The following AHRR variants were observed in gnomAD, a reference collection of about 807,000 sequenced individuals.
AHRR encodes the protein aryl hydrocarbon receptor repressor, also known as ahR repressor.
Under a neutral mutation model 44.0 loss-of-function variants are expected in AHRR, and 28 were observed. That is an observed-to-expected ratio of 0.64 (90% CI 0.47 to 0.87). AHRR has a LOEUF of 0.87. AHRR is among the 40% of genes least tolerant of loss of function. The pLI, the probability that AHRR is intolerant of heterozygous loss-of-function variation, is 0.00. For synonymous variants in AHRR, 434 were observed against 407.0 expected, an observed-to-expected ratio of 1.07 and a Z score of -0.80; for missense variants, 990 against 953.9, an observed-to-expected ratio of 1.04 and a Z score of -0.50.
intron 4 of AHRR, among the ~76,000 whole-genome samples, chr5:382,343 T>C (rs1734019349): frequency 6.6e-6 from 1 of 152,362 alleles, no homozygotes; most frequent in South Asian, 2.1e-4. Context: ...TTCAATTTCC[T>C]TGGACTGTTG....
At position 434,609 on chromosome 5, in the gene AHRR, C is replaced by T. The variant is rs539730239; in HGVS notation, c.1869C>T (p.Asp623=). 88 of 1,564,296 alleles carry T rather than the reference C, an allele frequency of 5.6e-5. No homozygotes were observed. The highest frequency in any genetic ancestry group is 7.1e-5 in the East Asian group (3 of 41,968). ...ACTGTGCCTGCCTGGAGCCCACAGA[C>T]GGCCTTCCCCAGTCGGAGCCTCCCC... ...PAHCACLEPT[D]GLPQSEPPHQ... Residue 623 remains aspartate (D), a synonymous_variant, in exon 11 of 11, where the codon GAC becomes GAT. Coordinates refer to ENST00000684583, the MANE Select transcript of AHRR (RefSeq NM_001377236.1).
intron 1 of AHRR, among the ~76,000 whole-genome samples, chr5:334,014 T>C (rs1022752347): frequency 6.6e-6 from 1 of 152,210 alleles, no homozygotes; most frequent in Non-Finnish European, 1.5e-5. Flanking sequence ...GCCGAAAGTT[T>C]TTTTCTTGCA....
intron 3 of AHRR, among the ~76,000 whole-genome samples, chr5:374,187 T>G (rs977138028): frequency 2.6e-5 from 4 of 151,792 alleles, no homozygotes; most frequent in African/African-American, 9.7e-5. Flanking sequence ...CCCGCGGACC[T>G]CGGCGGGGAG....
Position 432,583 on chromosome 5 carries a change from T to C in AHRR, c.970+59T>C, listed in dbSNP as rs1239735068. 4.4e-5 allele frequency: 70 copies of C among 1,583,746 alleles called. No homozygotes were observed. In the South Asian group the frequency reaches 7.5e-4, roughly 17 times the overall value. ...CATGGGTAAAATGTGTTTCTGCCCT[T>C]GGAGAGCTTCCCCGCCCAGTGGAGA... On this transcript the variant is annotated intron_variant, in intron 9 of 10. Transcript: ENST00000684583.
intron 1 of AHRR, among the ~76,000 whole-genome samples, chr5:335,060 C>T (rs2088526921): frequency 6.6e-6 from 1 of 151,992 alleles, no homozygotes; most frequent in African/African-American, 2.4e-5. Context: ...TGGGTGGGCC[C>T]ATCTTCAGGC....
chr5:420,798 CAGCCA>C (rs1736050299), intron 5 of AHRR: 1 of 89,998 alleles, frequency 1.1e-5, no homozygotes, highest in African/African-American at 1.1e-4. Flanking sequence ...TGCACGCACG[CAGCCA>C]CGCAGCCACC....
intron 4 of AHRR, among the ~76,000 whole-genome samples, chr5:410,412 A>G (rs1453314718): frequency 6.6e-6 from 1 of 152,044 alleles, no homozygotes; most frequent in Non-Finnish European, 1.5e-5. Flanking sequence ...GGGTCTCACT[A>G]TGCTGCCCAG....
intron 1 of AHRR, among the ~76,000 whole-genome samples, chr5:325,693 C>G (rs1412284031): frequency 6.6e-6 from 1 of 151,208 alleles, no homozygotes; most frequent in Admixed American, 6.6e-5. Flanking sequence ...CATTTGCTTT[C>G]TTTCTTAACA....
intron 3 of AHRR, among the ~76,000 whole-genome samples, chr5:375,714 C>T (rs1000786839): frequency 9.2e-5 from 14 of 152,224 alleles, no homozygotes; most frequent in African/African-American, 3.4e-4. Flanking sequence ...GGTCCACGCA[C>T]TGGGGCCAGC....
chr5:385,722 TA>T (rs1734150299), intron 4 of AHRR, among the ~76,000 whole-genome samples: 1 of 152,236 alleles, frequency 6.6e-6, no homozygotes, highest in Non-Finnish European at 1.5e-5. Context: ...GCTTAGATAT[TA>T]GAGATTTTCC....
intron 7 of AHRR, among the ~76,000 whole-genome samples, chr5:426,602 G>T (rs1736405203): frequency 1.3e-5 from 2 of 148,320 alleles, no homozygotes; most frequent in Non-Finnish European, 3.0e-5. Context: ...TGGACAAATG[G>T]AAAGATGGAT....
At chr5:394,849 C>T (rs1734626871) in intron 4 of AHRR, among the ~76,000 whole-genome samples, 3 of 152,156 alleles carry the variant, frequency 2.0e-5, no homozygotes, top group Admixed American at 6.5e-5. Context: ...AAGGGAGCAC[C>T]GTGGGAGGGA....
At chr5:373,458 C>A (rs1743647863) in intron 3 of AHRR, among the ~76,000 whole-genome samples, 1 of 152,232 alleles carries the variant, frequency 6.6e-6, no homozygotes, top group African/African-American at 2.4e-5. Flanking sequence ...GCCTGTGGCC[C>A]CCTCCTGCTG....
At chr5:386,750 C>T (rs1465046101) in intron 4 of AHRR, among the ~76,000 whole-genome samples, 2 of 152,236 alleles carry the variant, frequency 1.3e-5, no homozygotes, top group Non-Finnish European at 2.9e-5. Context: ...TAACAGGGAG[C>T]TAACCCAGAC....
At chr5:336,884 GT>G (rs976925567) in intron 1 of AHRR, among the ~76,000 whole-genome samples, 3 of 150,732 alleles carry the variant, frequency 2.0e-5, no homozygotes, top group East Asian at 1.9e-4. Context: ...GTGTGGCTTT[GT>G]TTTTTTTTCC....
chr5:361,855 A>G (rs1236240869), intron 3 of AHRR, among the ~76,000 whole-genome samples: 1 of 152,146 alleles, frequency 6.6e-6, no homozygotes, highest in Non-Finnish European at 1.5e-5. Context: ...TCTGATTTAG[A>G]TGGTAGTTAA....
intron 4 of AHRR, among the ~76,000 whole-genome samples, chr5:400,942 A>T (rs1734990489): frequency 6.6e-6 from 1 of 152,046 alleles, no homozygotes; most frequent in African/African-American, 2.4e-5. Context: ...GCGGGCACAG[A>T]CCTCTCCCAG....
chr5:408,329 C>T (rs1370509130), intron 4 of AHRR, among the ~76,000 whole-genome samples: 1 of 151,990 alleles, frequency 6.6e-6, no homozygotes, highest in Non-Finnish European at 1.5e-5. Context: ...GAGGTGCACA[C>T]ACATACATGT....
At position 422,768 on chromosome 5, in the gene AHRR, G is replaced by T; in HGVS notation, c.481G>T (p.Val161Leu). The change falls in exon 6 of 11, where the codon GTG becomes TTG. Residue 161 changes from valine to leucine, a missense_variant. Coordinates refer to ENST00000684583, the MANE Select transcript of AHRR (RefSeq NM_001377236.1). ...CCAGAACATTTATGACTACATCCAC[G>T]TGGACGACCGCCAGGACTTCTGCCG... ...MHQNIYDYIH[V>L]DDRQDFCRQL... The T allele has an allele frequency of 3.1e-6, 5 of 1,614,134 alleles. No individual in the cohort carries two copies. The highest frequency in any genetic ancestry group is 4.2e-6 in the Non-Finnish European group (5 of 1,180,026).
Sources: gnomAD v4.1 joint callset for allele counts (sites outside exome capture counted in the v4.1 genomes callset) on GRCh38, gnomAD v4.1.1 for gene constraint, MANE v1.5 for transcripts, NCBI Gene and HGNC (gene_info 2026-07-23, HGNC 2026-07-21) for gene names.